Variants in DKK3 observed in about 807,000 individuals in gnomAD.
DKK3 encodes dickkopf Wnt signaling pathway inhibitor 3.
DKK3 carries 22 observed loss-of-function variants against 33.2 expected under a neutral mutation model. The ratio of observed to expected loss-of-function variants is 0.66; its 90% CI spans 0.47 to 0.95. DKK3 has a LOEUF of 0.95. DKK3 is among the 40% of genes least tolerant of loss of function. DKK3 has a pLI of 0.00. For synonymous variants in DKK3, 194 were observed against 188.8 expected (o/e 1.03, Z -0.23); for missense variants, 398 against 458.4 (o/e 0.87, Z 1.20).
In DKK3 at chr11:11,964,322, C is replaced by A. The variant is rs982866193; in HGVS notation, c.*142G>T. 2 of 1,062,538 alleles carry A rather than the reference C, an allele frequency of 1.9e-6. No homozygotes were observed. The highest frequency in any genetic ancestry group is 3.2e-5 in the African/African-American group (2 of 63,112). 65.8% of individuals were successfully genotyped at this position (1,062,538 alleles called of 1,614,324 possible). On this transcript the variant is annotated 3_prime_UTR_variant, in exon 7 of 7. Coordinates refer to ENST00000683431, the MANE Select transcript of DKK3 (RefSeq NM_001018057.2). ...CTGGGGGAGCTGAACAAATGCACAA[C>A]ACCTCATGCTGTCAAGCCAGAGGGG...
At chr11:11,987,367 G>GAACTT (rs899611684) in intron 3 of DKK3, among the ~76,000 whole-genome samples, 9 of 152,278 alleles carry the variant, frequency 5.9e-5, no homozygotes, top group Admixed American at 5.9e-4. Context: ...GAACTGAACT[G>GAACTT]GAAATAAGTT....
chr11:11,991,870 C>T (rs1383539552), intron 3 of DKK3, among the ~76,000 whole-genome samples: 1 of 152,176 alleles, frequency 6.6e-6, no homozygotes, highest in Non-Finnish European at 1.5e-5. Flanking sequence ...AGAACTGTCT[C>T]CCAAGCAAGT....
chr11:12,009,604 G>A, upstream of DKK3: 1 of 985,938 alleles, frequency 1.0e-6, no homozygotes, highest in Non-Finnish European at 1.2e-6. Context: ...AGCCCACCGA[G>A]GTTGGGGGTA....
intron 3 of DKK3, among the ~76,000 whole-genome samples, chr11:11,974,181 T>G (rs537877486): frequency 6.6e-6 from 1 of 152,262 alleles, no homozygotes; most frequent in South Asian, 2.1e-4. Flanking sequence ...CCTCCACCAA[T>G]AGGATGCACT....
intron 3 of DKK3, among the ~76,000 whole-genome samples, chr11:11,973,695 C>T (rs1466455150): frequency 6.6e-6 from 1 of 152,220 alleles, no homozygotes; most frequent in Non-Finnish European, 1.5e-5. Context: ...ACCGGGAACA[C>T]AGCATAGATT....
chr11:11,992,397 C>G (rs1421509843), intron 3 of DKK3, among the ~76,000 whole-genome samples: 3 of 152,202 alleles, frequency 2.0e-5, no homozygotes, highest in African/African-American at 4.8e-5. Flanking sequence ...TTAACCACCC[C>G]CTCTGAAGTG....
At chr11:12,007,347 G>A (rs886976292) in intron 1 of DKK3, among the ~76,000 whole-genome samples, 3 of 152,180 alleles carry the variant, frequency 2.0e-5, no homozygotes, top group Non-Finnish European at 4.4e-5. Context: ...CACTAGGACG[G>A]CTGGCTCCTC....
intron 4 of DKK3, 37 bp downstream of exon 4, chr11:11,968,358 C>A: frequency 6.3e-7 from 1 of 1,581,820 alleles, no homozygotes; most frequent in East Asian, 2.3e-5. Context: ...TGCCTGAGAC[C>A]CTGGTGCCAC....
upstream of DKK3, chr11:12,008,720 C>A: frequency 1.7e-6 from 2 of 1,211,160 alleles, no homozygotes; most frequent in Non-Finnish European, 1.0e-6. The surrounding 1 kb of genome is among the most constrained non-coding windows in gnomAD (Gnocchi z 4.6). Flanking sequence ...TTTCCCGCAC[C>A]CGCCCGGAGA....
At chr11:11,970,086 G>A (rs1219688958) in intron 3 of DKK3, among the ~76,000 whole-genome samples, 1 of 152,152 alleles carries the variant, frequency 6.6e-6, no homozygotes, top group African/African-American at 2.4e-5. Flanking sequence ...CTGCTCAGCC[G>A]GAAGCCTCCC....
rs1423983558 is a variant in DKK3, at chr11:12,008,059, C to A, written c.213+311G>T. 6.6e-6 allele frequency among the ~76,000 whole-genome samples: 1 copy of A among 152,128 alleles called. No individual in the cohort carries two copies. The highest frequency in any genetic ancestry group is 6.5e-5 in the Admixed American group (1 of 15,276). On this transcript the variant is annotated intron_variant, in intron 1 of 6. Transcript: ENST00000683431. The surrounding 1 kb of genome is among the most constrained non-coding windows in gnomAD (Gnocchi z 4.6). Reference sequence around the variant, plus strand: ...CAGGGGCCCTGCAAACCTCTGCTGACAATAGGGAAGGCCAACGGCATGCCT... The same window carrying A: ...CAGGGGCCCTGCAAACCTCTGCTGAAAATAGGGAAGGCCAACGGCATGCCT...
At chr11:12,009,338 C>T, upstream of DKK3, 10 of 974,848 alleles carry the variant, frequency 1.0e-5, no homozygotes, top group Non-Finnish European at 1.2e-5. Context: ...CCGCAAGACG[C>T]GCCCCGCCCG....
At chr11:11,967,341 C>T (rs866249489) in intron 4 of DKK3, among the ~76,000 whole-genome samples, 1 of 152,232 alleles carries the variant, frequency 6.6e-6, no homozygotes, top group South Asian at 2.1e-4. Context: ...TCTTTCTCCA[C>T]AGCTTAAGAT....
chr11:11,969,935 G>A (rs569868432), intron 3 of DKK3, among the ~76,000 whole-genome samples: 6 of 152,340 alleles, frequency 3.9e-5, no homozygotes, highest in Admixed American at 2.6e-4. Context: ...CTCCGAGTAG[G>A]GTGAACGGCC....
At chr11:11,989,466 A>C (rs1269553425) in intron 3 of DKK3, among the ~76,000 whole-genome samples, 3 of 152,224 alleles carry the variant, frequency 2.0e-5, no homozygotes, top group Non-Finnish European at 4.4e-5. Flanking sequence ...AGGACATTAC[A>C]CTAAGAGAAA....
chr11:11,965,690 C>A, intron 6 of DKK3, 119 bp downstream of exon 6: 1 of 1,320,762 alleles, frequency 7.6e-7, no homozygotes, highest in Admixed American at 2.6e-5. Context: ...ACCTCTCAAA[C>A]CAATCCTAAA....
intron 3 of DKK3, among the ~76,000 whole-genome samples, chr11:11,975,654 G>A (rs1847817699): frequency 6.6e-6 from 1 of 152,156 alleles, no homozygotes; most frequent in African/African-American, 2.4e-5. Flanking sequence ...TGGGTGAAGT[G>A]GCCAAGGTCC....
At chr11:11,988,289 C>G (rs1848112510) in intron 3 of DKK3, among the ~76,000 whole-genome samples, 1 of 152,210 alleles carries the variant, frequency 6.6e-6, no homozygotes, top group African/African-American at 2.4e-5. Context: ...TTCCCATAGT[C>G]TGCTGGGGAT....
At chr11:11,990,454 A>G (rs1848163738) in intron 3 of DKK3, among the ~76,000 whole-genome samples, 1 of 152,260 alleles carries the variant, frequency 6.6e-6, no homozygotes, top group African/African-American at 2.4e-5. Context: ...CTTCAGCTTC[A>G]GCAGGATTAA....
Sources: allele counts gnomAD v4.1 joint callset (sites outside exome capture counted in the v4.1 genomes callset), GRCh38; gene constraint gnomAD v4.1.1; non-coding constraint Gnocchi (gnomAD v3.1); transcripts MANE v1.5; gene names NCBI Gene and HGNC (gene_info 2026-07-23, HGNC 2026-07-21).